Variants in ADGRL3 observed in about 807,000 individuals in gnomAD.
ADGRL3 encodes the protein adhesion G protein-coupled receptor L3, also known as calcium-independent alpha-latrotoxin receptor 3.
In ADGRL3, 62 loss-of-function variants were observed where a neutral mutation model predicts 153.5. The ratio of observed to expected loss-of-function variants is 0.40; its 90% CI spans 0.33 to 0.50. The LOEUF is 0.50. ADGRL3 is among the 20% of genes least tolerant of loss of function. The probability of loss-of-function intolerance (pLI) is 0.47; values close to 1 mark genes in which losing one functional copy is unlikely to be tolerated. For synonymous variants in ADGRL3, 710 were observed against 672.5 expected (o/e 1.06, Z -0.86); for missense variants, 1,641 against 1,859.4 (o/e 0.88, Z 2.16).
chr4:61,976,347 A>T (rs1388780106), intron 17 of ADGRL3, among the ~76,000 whole-genome samples: 1 of 152,130 alleles, frequency 6.6e-6, no homozygotes, highest in East Asian at 1.9e-4. Context: ...CCTTCCTAGA[A>T]GTTCTATTAT....
At chr4:61,520,724 G>C (rs780202249) in intron 4 of ADGRL3, among the ~76,000 whole-genome samples, 1 of 142,562 alleles carries the variant, frequency 7.0e-6, no homozygotes, top group Non-Finnish European at 1.6e-5. Flanking sequence ...ACTAAATGCA[G>C]GAATAGTGTT....
rs563469857 is a variant in ADGRL3, at chr4:61,972,099, T to C, written c.2806-7464T>C. Reference sequence around the variant, plus strand: ...TAGGTTGTGAAAATTTTCTCCCATTTTGTAGGTTGCCTGTTCACTCTGATG... The same window carrying C: ...TAGGTTGTGAAAATTTTCTCCCATTCTGTAGGTTGCCTGTTCACTCTGATG... On this transcript the variant is annotated intron_variant, in intron 17 of 26. Coordinates refer to ENST00000683033, the MANE Select transcript of ADGRL3 (RefSeq NM_001387552.1). Among the ~76,000 whole-genome samples, 354 of 152,080 alleles carry C rather than the reference T, an allele frequency of 2.3e-3. 1 individual carries two copies. Among genetic ancestry groups the C allele is most frequent in the African/African-American group, 8.3e-3 (345 of 41,492 alleles).
intron 8 of ADGRL3, among the ~76,000 whole-genome samples, chr4:61,786,809 G>T (rs2097281776): frequency 6.6e-6 from 1 of 152,006 alleles, no homozygotes; most frequent in African/African-American, 2.4e-5. Flanking sequence ...ACACAGCTAG[G>T]ATAGGCTTAT....
chr4:61,769,771 T>G (rs1177607338), intron 8 of ADGRL3, among the ~76,000 whole-genome samples: 16 of 110,566 alleles, frequency 1.4e-4, no homozygotes, highest in Non-Finnish European at 1.7e-4. Context: ...TGGGCAGGAG[T>G]GGGGGTCGCA....
chr4:61,744,965 GA>G (rs1343408184), intron 8 of ADGRL3, among the ~76,000 whole-genome samples: 1 of 152,016 alleles, frequency 6.6e-6, no homozygotes, highest in Non-Finnish European at 1.5e-5. Flanking sequence ...TGAAAACTTT[GA>G]AAAAAATTTA....
At chr4:61,596,711 A>G (rs1486052781) in intron 5 of ADGRL3, among the ~76,000 whole-genome samples, 2 of 152,128 alleles carry the variant, frequency 1.3e-5, no homozygotes, top group African/African-American at 4.8e-5. Context: ...TTAAATAAGT[A>G]GCTGGATGTG....
rs987971234 is a variant in ADGRL3 at position 62,074,563 on chromosome 4, C to G, written c.*3655C>G. ...TTCCACTATATTATAATTAAACACA[C>G]TGAAGTTGAATAATAAATTACTGTG... is the stretch of plus-strand genomic sequence containing the variant. On this transcript the variant is annotated 3_prime_UTR_variant, in exon 27 of 27. Transcript: ENST00000683033. 2 of 152,068 alleles carry G rather than the reference C, an allele frequency of 1.3e-5. No homozygotes were observed. Among genetic ancestry groups the G allele is most frequent in the African/African-American group, 2.4e-5 (1 of 41,420 alleles). The allele number at this position is 152,068 out of a possible 1,614,324, so 9.4% of individuals were successfully genotyped here.
At chr4:61,331,872 T>A (rs1234092946) in intron 1 of ADGRL3, among the ~76,000 whole-genome samples, 1 of 152,016 alleles carries the variant, frequency 6.6e-6, no homozygotes, top group South Asian at 2.1e-4. Context: ...ATTTCCCAAT[T>A]TGAGGAAATA....
rs2098712677 is a variant in ADGRL3 at position 61,909,666 on chromosome 4, A to C, written c.1994A>C (p.Gln665Pro). 1.2e-6 allele frequency: 2 copies of C among 1,609,248 alleles called. No homozygotes were observed. The highest frequency in any genetic ancestry group is 2.2e-5 in the South Asian group (2 of 90,042). The change falls in exon 12 of 27, where the codon CAG (glutamine) becomes CCG (proline). Residue 665 changes from glutamine to proline, a missense_variant. Physicochemically the swap from Gln to Pro is moderately conservative, Grantham distance 76. Transcript: ENST00000683033. ...DITYSVRAMD[Q>P]LVGLLDVQLR... Reference sequence around the variant, plus strand: ...ACCTACTCTGTCCGGGCCATGGACCAGCTGGTAGGCCTCCTAGATGTACAG... The same window carrying C: ...ACCTACTCTGTCCGGGCCATGGACCCGCTGGTAGGCCTCCTAGATGTACAG...
chr4:61,658,561 C>T (rs113029621), intron 5 of ADGRL3, among the ~76,000 whole-genome samples: 2,918 of 152,104 alleles, frequency 0.019, 78 homozygotes, highest in South Asian at 0.062. Flanking sequence ...AAGTGATGAA[C>T]GTGTGTTAGT....
chr4:61,958,214 T>C (rs2098974722), intron 17 of ADGRL3, among the ~76,000 whole-genome samples: 1 of 152,192 alleles, frequency 6.6e-6, no homozygotes, highest in African/African-American at 2.4e-5. Flanking sequence ...CCTTTTATGG[T>C]ATATAAAATA....
chr4:61,613,342 C>G (rs1275206291), intron 5 of ADGRL3, among the ~76,000 whole-genome samples: 1 of 152,148 alleles, frequency 6.6e-6, no homozygotes, highest in Non-Finnish European at 1.5e-5. Flanking sequence ...GAAGAATCAT[C>G]TTTTATATTT....
intron 1 of ADGRL3, among the ~76,000 whole-genome samples, chr4:61,301,694 C>T (rs960532782): frequency 6.6e-5 from 10 of 152,132 alleles, no homozygotes; most frequent in African/African-American, 9.7e-5. Flanking sequence ...TTTTACTCTT[C>T]TAGAGGTGAC....
chr4:61,507,678 A>AGGGTGGAT (rs1368680386), intron 3 of ADGRL3, among the ~76,000 whole-genome samples: 1 of 152,154 alleles, frequency 6.6e-6, no homozygotes, highest in African/African-American at 2.4e-5. Flanking sequence ...TGTGTTGAGA[A>AGGGTGGAT]GGGTGGATGG....
At position 62,071,643 on chromosome 4, in the gene ADGRL3, A is replaced by C. The variant is rs892888211; in HGVS notation, c.*735A>C. The C allele has an allele frequency of 5.3e-6, 2 of 380,376 alleles. No homozygotes were observed. The highest frequency in any genetic ancestry group is 7.7e-5 in the East Asian group (1 of 12,954). The allele number at this position is 380,376 out of a possible 1,614,324, so 23.6% of individuals were successfully genotyped here. ...GAGTCCTGTTAATGTAGTAGAAAAA[A>C]AAAAAAGAAATTTTCTTTTTCTTTT... On this transcript the variant is annotated 3_prime_UTR_variant, in exon 27 of 27. Transcript: ENST00000683033.
At chr4:61,493,155 T>C (rs557538225) in intron 2 of ADGRL3, among the ~76,000 whole-genome samples, 1 of 152,164 alleles carries the variant, frequency 6.6e-6, no homozygotes, top group Admixed American at 6.5e-5. Context: ...TTAAAACATA[T>C]TGTATAATTA....
intron 21 of ADGRL3, 119 bp from the exon 22 acceptor site, chr4:62,028,735 TC>T: frequency 1.6e-6 from 1 of 638,852 alleles, no homozygotes; most frequent in Non-Finnish European, 2.6e-6. Context: ...GATAATGATT[TC>T]TTTTAGGGAG....
intron 2 of ADGRL3, among the ~76,000 whole-genome samples, chr4:61,421,031 C>T (rs1468393320): frequency 2.0e-5 from 3 of 152,042 alleles, no homozygotes; most frequent in African/African-American, 7.2e-5. Flanking sequence ...CAAATGCTGG[C>T]CGGGCACAGT....
intron 8 of ADGRL3, among the ~76,000 whole-genome samples, chr4:61,748,877 A>T (rs1377814000): frequency 6.6e-6 from 1 of 151,530 alleles, no homozygotes; most frequent in Admixed American, 6.6e-5. Context: ...AATTAAACTA[A>T]AGAGCTTCTG....
Sources: allele counts gnomAD v4.1 joint callset (sites outside exome capture counted in the v4.1 genomes callset), GRCh38; gene constraint gnomAD v4.1.1; transcripts MANE v1.5; gene names NCBI Gene and HGNC (gene_info 2026-07-23, HGNC 2026-07-21).